Variants in DGKA observed in about 807,000 individuals in gnomAD.
DGKA encodes the protein diacylglycerol kinase alpha.
DGKA carries 35 observed loss-of-function variants against 105.0 expected under a neutral mutation model. That is an observed-to-expected ratio of 0.33 (90% CI 0.25 to 0.44). The LOEUF (loss-of-function observed/expected upper bound fraction) is 0.44, where lower values mean the gene tolerates loss of function less well. Among genes scored for constraint, DGKA ranks in the 20% least tolerant of loss-of-function variants. DGKA has a pLI of 1.00. For synonymous variants in DGKA, 296 were observed against 332.0 expected, an observed-to-expected ratio of 0.89 and a Z score of 1.18; for missense variants, 665 against 915.0, an observed-to-expected ratio of 0.73 and a Z score of 3.53.
intron 1 of DGKA, chr12:55,936,011 G>T: frequency 3.0e-6 from 3 of 990,438 alleles, no homozygotes; most frequent in Non-Finnish European, 3.6e-6. Context: ...GACCCGAGAT[G>T]GGAGAGAGCT....
chr12:55,939,314 G>C lies in DGKA; in HGVS notation c.594+9G>C. 1.9e-6 allele frequency: 3 copies of C among 1,613,564 alleles called. No individual in the cohort carries two copies. The highest frequency in any genetic ancestry group is 2.5e-6 in the Non-Finnish European group (3 of 1,179,570). ...TGCTGGGTCTGGAGATGGTGAGTAG[G>C]AGAGACTTTGGGGGATGAGTAAGAC... is the stretch of plus-strand genomic sequence containing the variant. On this transcript the variant is annotated intron_variant, in intron 8 of 23. Coordinates refer to ENST00000331886, the MANE Select transcript of DGKA (RefSeq NM_001345.5).
upstream of DGKA, chr12:55,927,564 C>T (rs953610555): frequency 3.2e-6 from 3 of 927,666 alleles, no homozygotes; most frequent in African/African-American, 5.0e-5. Flanking sequence ...CAGGAACGCA[C>T]TGGGGCGCAC....
At chr12:55,953,001 C>T in intron 21 of DGKA, 39 bp from the exon 22 acceptor site, 7 of 1,614,092 alleles carry the variant, frequency 4.3e-6, no homozygotes, top group Non-Finnish European at 5.9e-6. Flanking sequence ...ATGGGGATAC[C>T]CTGTTTATGT....
rs779793001 is a variant in DGKA at position 55,952,989 on chromosome 12, C to A, written c.1943-51C>A. 9.8e-5 allele frequency: 158 copies of A among 1,613,986 alleles called. No homozygotes were observed. The highest frequency in any genetic ancestry group is 1.3e-4 in the Non-Finnish European group (155 of 1,180,016). ...CAGGACGAAGGGAAAGTGTGACTCC[C>A]TATGGGGATACCCTGTTTATGTAAA... On this transcript the variant is annotated intron_variant, in intron 21 of 23. Coordinates refer to ENST00000331886, the MANE Select transcript of DGKA (RefSeq NM_001345.5). This position sits in a 1 kb window ranked among gnomAD's most constrained non-coding sequence, Gnocchi z 5.1.
chr12:55,946,778 G>A (rs899302269), intron 17 of DGKA, among the ~76,000 whole-genome samples: 1 of 152,208 alleles, frequency 6.6e-6, no homozygotes, highest in Admixed American at 6.5e-5. Flanking sequence ...CCGAGAGAGT[G>A]ATATTTCAGA....
At chr12:55,949,104 A>G (rs577500551) in intron 17 of DGKA, among the ~76,000 whole-genome samples, 2 of 152,156 alleles carry the variant, frequency 1.3e-5, no homozygotes, top group East Asian at 3.9e-4. Context: ...ACAAAACTCC[A>G]TGTACCTCCT....
At chr12:55,947,201 T>C (rs916160894) in intron 17 of DGKA, among the ~76,000 whole-genome samples, 1 of 152,100 alleles carries the variant, frequency 6.6e-6, no homozygotes, top group African/African-American at 2.4e-5. Context: ...GTCAGGCTGG[T>C]CTCGAACTCC....
rs1884995461 is a variant in DGKA at position 55,937,498 on chromosome 12, T to A, written c.229T>A (p.Ser77Thr). 1 of 1,614,172 alleles carries A rather than the reference T, an allele frequency of 6.2e-7. No homozygotes were observed. Among genetic ancestry groups the A allele is most frequent in the Non-Finnish European group, 8.5e-7 (1 of 1,180,036 alleles). Residue 77 changes from serine to threonine, a missense_variant, in exon 4 of 24, where the codon TCC (serine) becomes ACC (threonine). Ser to Thr is a moderately conservative substitution (Grantham distance 58). Transcript: ENST00000331886. ...PRHLSLALFQ[S>T]FETGHCLNET... ...ACACCTAAGCCTGGCACTGTTTCAA[T>A]CCTTTGAGACTGGTCACTGCTTAAA...
chr12:55,947,497 T>C (rs1425266133), intron 17 of DGKA, among the ~76,000 whole-genome samples: 1 of 152,162 alleles, frequency 6.6e-6, no homozygotes, highest in Non-Finnish European at 1.5e-5. Flanking sequence ...TTTATAGATG[T>C]TTTTCTTCTT....
At chr12:55,953,270 G>A in intron 22 of DGKA, 80 bp from the exon 23 acceptor site, 1 of 1,611,552 alleles carries the variant, frequency 6.2e-7, no homozygotes, top group South Asian at 1.1e-5. Context: ...AATGACAAAA[G>A]GTCTCAAAGC....
intron 2 of DGKA, 42 bp downstream of exon 2, chr12:55,936,609 C>A (rs754783560): frequency 8.1e-6 from 13 of 1,613,374 alleles, no homozygotes; most frequent in Non-Finnish European, 8.5e-6. Context: ...AGACCCTGCC[C>A]CAGAGAATCC....
intron 2 of DGKA, 44 bp from the exon 3 acceptor site, chr12:55,936,973 A>C (rs1210861731): frequency 3.2e-6 from 5 of 1,540,192 alleles, no homozygotes; most frequent in Non-Finnish European, 1.8e-6. Flanking sequence ...AAGAGAACTC[A>C]GCTGGACTAA....
intron 5 of DGKA, 166 bp downstream of exon 5, chr12:55,938,218 C>T (rs1885158063): frequency 1.4e-6 from 1 of 695,500 alleles, no homozygotes; most frequent in East Asian, 2.7e-5. Flanking sequence ...ACTATTTATA[C>T]CTAATACCCT....
Position 55,942,092 on chromosome 12 carries a change from A to G in DGKA, c.1336+9A>G. On this transcript the variant is annotated intron_variant, in intron 16 of 23. Transcript: ENST00000331886. The stretch of plus-strand genomic sequence containing the variant: ...GATTCTAGAGACCATTGGTCAGTGC[A>G]GGGAGGGGCGTGGGGAAGGTATTGG... 1.2e-5 allele frequency: 20 copies of G among 1,614,144 alleles called. No homozygotes were observed. Among genetic ancestry groups the G allele is most frequent in the Non-Finnish European group, 1.6e-5 (19 of 1,179,968 alleles).
Position 55,941,557 on chromosome 12 carries a change from A to T in DGKA, c.1223A>T (p.Asn408Ile). The change falls in exon 15 of 24, where the codon AAC becomes ATC. Residue 408 changes from asparagine to isoleucine, a missense_variant. Physicochemically the swap from Asn to Ile is moderately radical, Grantham distance 149 (BLOSUM62 -3). Transcript: ENST00000331886. Reference sequence around the variant, plus strand: ...ATATTAAACCCTCGACAGGTGTTCAACCTCCTAAAGGATGGTCCTGAGATA... The same window carrying T: ...ATATTAAACCCTCGACAGGTGTTCATCCTCCTAAAGGATGGTCCTGAGATA... ...QYILNPRQVFNLLKDGPEIGL... is the reference protein window; with the variant it reads ...QYILNPRQVFILLKDGPEIGL... The T allele has an allele frequency of 1.2e-6, 2 of 1,614,092 alleles. No homozygotes were observed. The highest frequency in any genetic ancestry group is 2.2e-5 in the East Asian group (1 of 44,876).
upstream of DGKA, among the ~76,000 whole-genome samples, chr12:55,928,500 A>G (rs1364832935): frequency 6.6e-6 from 1 of 151,370 alleles, no homozygotes; most frequent in Non-Finnish European, 1.5e-5. Context: ...AGATGGCGAA[A>G]CCCCGTCTCT....
At chr12:55,951,479 T>C (rs536301228) in intron 17 of DGKA, 144 bp from the exon 18 acceptor site, 43 of 775,208 alleles carry the variant, frequency 5.5e-5, no homozygotes, top group Non-Finnish European at 8.3e-5. Context: ...GCTGTGACCA[T>C]GCACCCTGCC....
intron 4 of DGKA, 114 bp from the exon 5 acceptor site, chr12:55,937,863 CA>C: frequency 6.1e-6 from 6 of 985,220 alleles, no homozygotes; most frequent in Admixed American, 2.2e-5. Flanking sequence ...CCCTGTCTCT[CA>C]AAAAAATCAG....
chr12:55,927,435 G>A (rs1031491839), upstream of DGKA: 13 of 706,952 alleles, frequency 1.8e-5, no homozygotes, highest in African/African-American at 8.8e-5. Flanking sequence ...GAGGGAAAAG[G>A]GCGCAAGGCC....
Sources: allele counts gnomAD v4.1 joint callset (sites outside exome capture counted in the v4.1 genomes callset), GRCh38; gene constraint gnomAD v4.1.1; non-coding constraint Gnocchi (gnomAD v3.1); transcripts MANE v1.5; gene names NCBI Gene and HGNC (gene_info 2026-07-23, HGNC 2026-07-21).